CCSER1: variants seen among roughly 807,000 people sequenced by gnomAD.
CCSER1 encodes the protein coiled-coil serine rich protein 1, also known as serine-rich coiled-coil domain-containing protein 1.
A neutral mutation model predicts 82.0 loss-of-function variants in CCSER1; 41 were observed. The ratio of observed to expected loss-of-function variants is 0.50; its 90% CI spans 0.39 to 0.65. The LOEUF (loss-of-function observed/expected upper bound fraction) is 0.65. CCSER1 is among the 30% of genes least tolerant of loss of function. The pLI, the probability that CCSER1 is intolerant of heterozygous loss-of-function variation, is 0.00. For synonymous variants in CCSER1, 414 were observed against 383.9 expected (o/e 1.08, Z -0.92); for missense variants, 1,119 against 1,064.2 (o/e 1.05, Z -0.72).
intron 3 of CCSER1, among the ~76,000 whole-genome samples, chr4:90,318,863 A>G (rs986873242): frequency 6.6e-6 from 1 of 152,216 alleles, no homozygotes; most frequent in Admixed American, 6.5e-5. Context: ...GATGAAAGAG[A>G]CAGTGCTTGA....
chr4:90,197,493 A>G (rs374484704), intron 1 of CCSER1, among the ~76,000 whole-genome samples: 2 of 152,300 alleles, frequency 1.3e-5, no homozygotes, highest in African/African-American at 4.8e-5. Context: ...TGTTTGTTGC[A>G]GCACTCTTAA....
At chr4:91,396,687 G>C (rs1258745718) in intron 10 of CCSER1, among the ~76,000 whole-genome samples, 1 of 152,020 alleles carries the variant, frequency 6.6e-6, no homozygotes, top group African/African-American at 2.4e-5. Context: ...ATCATTTACT[G>C]ATTCTGATAT....
At chr4:90,931,016 T>A (rs1202169465) in intron 9 of CCSER1, among the ~76,000 whole-genome samples, 2 of 133,162 alleles carry the variant, frequency 1.5e-5, no homozygotes, top group East Asian at 4.3e-4. Context: ...ATCCTTGAAA[T>A]ATATATATAT....
chr4:91,133,807 T>C (rs938930528), intron 10 of CCSER1, among the ~76,000 whole-genome samples: 1 of 152,132 alleles, frequency 6.6e-6, no homozygotes, highest in African/African-American at 2.4e-5. Context: ...TTTTGTTTTA[T>C]AAAGTAGTGC....
chr4:90,440,960 G>GA (rs924307007), intron 4 of CCSER1, among the ~76,000 whole-genome samples: 68 of 146,878 alleles, frequency 4.6e-4, no homozygotes, highest in South Asian at 2.6e-3. Flanking sequence ...CTTCTGACTA[G>GA]AAAAAAAAAA....
At chr4:91,226,873 T>A (rs2149108950) in intron 10 of CCSER1, among the ~76,000 whole-genome samples, 1 of 151,976 alleles carries the variant, frequency 6.6e-6, no homozygotes, top group African/African-American at 2.4e-5. Context: ...ATCACTTCAA[T>A]AGTTACTAGC....
chr4:90,657,834 T>C (rs1267514217), intron 6 of CCSER1, among the ~76,000 whole-genome samples: 2 of 152,252 alleles, frequency 1.3e-5, no homozygotes, highest in African/African-American at 4.8e-5. Context: ...CCAGTCACAG[T>C]GGCTCACACC....
chr4:90,841,483 C>T (rs1229632632), intron 8 of CCSER1, among the ~76,000 whole-genome samples: 7 of 147,340 alleles, frequency 4.8e-5, no homozygotes, highest in Admixed American at 2.8e-4. Flanking sequence ...GAGGCTGAGG[C>T]AGGAGAATGG....
At chr4:90,214,348 G>C (rs1209847659) in intron 1 of CCSER1, among the ~76,000 whole-genome samples, 1 of 152,174 alleles carries the variant, frequency 6.6e-6, no homozygotes, top group Non-Finnish European at 1.5e-5. Context: ...AGGAGAAGGT[G>C]TTGGAGGTTT....
intron 8 of CCSER1, among the ~76,000 whole-genome samples, chr4:90,831,251 A>G (rs1401026154): frequency 6.6e-6 from 1 of 152,140 alleles, no homozygotes; most frequent in East Asian, 1.9e-4. Context: ...GTATTTGATT[A>G]TTGATTTTTC....
At chr4:90,374,706 T>A (rs1464832252) in intron 3 of CCSER1, among the ~76,000 whole-genome samples, 1 of 152,152 alleles carries the variant, frequency 6.6e-6, no homozygotes, top group East Asian at 1.9e-4. Context: ...GGGCACTTAG[T>A]AGTACCTCAC....
intron 9 of CCSER1, among the ~76,000 whole-genome samples, chr4:90,940,539 C>T (rs72665446): frequency 0.16 from 23,718 of 151,886 alleles, 2,474 homozygotes; most frequent in Non-Finnish European, 0.23. Flanking sequence ...TAGGGATTAA[C>T]GGGGATGTTG....
At chr4:90,551,431 C>G (rs1777462768) in intron 5 of CCSER1, among the ~76,000 whole-genome samples, 1 of 151,998 alleles carries the variant, frequency 6.6e-6, no homozygotes, top group Non-Finnish European at 1.5e-5. Context: ...TCAGAGCGCA[C>G]TTTTCTATCA....
intron 10 of CCSER1, among the ~76,000 whole-genome samples, chr4:91,345,235 T>C (rs775599206): frequency 1.3e-5 from 2 of 151,974 alleles, no homozygotes; most frequent in Non-Finnish European, 2.9e-5. Flanking sequence ...CTACTAAAAA[T>C]GCAAAATTAG....
At chr4:90,263,360 T>C (rs1724679324) in intron 1 of CCSER1, among the ~76,000 whole-genome samples, 1 of 152,180 alleles carries the variant, frequency 6.6e-6, no homozygotes, top group Non-Finnish European at 1.5e-5. Context: ...TGAACTGACT[T>C]TAAGTCTCCC....
chr4:90,688,801 TATA>T (rs1735284461), intron 6 of CCSER1, among the ~76,000 whole-genome samples: 1 of 152,170 alleles, frequency 6.6e-6, no homozygotes, highest in African/African-American at 2.4e-5. Flanking sequence ...AAGAAAAGGT[TATA>T]ATATTACCAT....
chr4:90,312,940 G>A lies in CCSER1; in HGVS notation c.1402G>A (p.Ala468Thr). The A allele has an allele frequency of 6.3e-7, 1 of 1,590,306 alleles. No individual in the cohort carries two copies. Residue 468 changes from alanine (A) to threonine (T), a missense_variant, in exon 3 of 11, where the codon GCA (alanine) becomes ACA (threonine). Ala to Thr is a moderately conservative substitution (Grantham distance 58). Transcript: ENST00000509176. ...RRLRSSSEGTAGSSRMILKPK... is the reference protein window; with the variant it reads ...RRLRSSSEGTTGSSRMILKPK... ...ACTGCGATCCTCGTCAGAAGGCACT[G>A]CAGGGAGTAGCAGAATGATTTTGAA...
At chr4:91,168,827 A>G (rs1732447220) in intron 10 of CCSER1, among the ~76,000 whole-genome samples, 1 of 152,216 alleles carries the variant, frequency 6.6e-6, no homozygotes, top group African/African-American at 2.4e-5. Context: ...AGAAGTAGAC[A>G]TAGGAGACTC....
chr4:91,417,855 T>C (rs1753457999), intron 10 of CCSER1, among the ~76,000 whole-genome samples: 2 of 151,714 alleles, frequency 1.3e-5, no homozygotes, highest in Admixed American at 1.3e-4. Flanking sequence ...AAATAAAAGT[T>C]GAAGAGAATT....
Sources: allele counts gnomAD v4.1 joint callset (sites outside exome capture counted in the v4.1 genomes callset), GRCh38; gene constraint gnomAD v4.1.1; transcripts MANE v1.5; gene names NCBI Gene and HGNC (gene_info 2026-07-23, HGNC 2026-07-21).